The following COX7A2 variants were observed in gnomAD, a reference collection of about 807,000 sequenced individuals.
COX7A2 encodes cytochrome c oxidase subunit 7A2, mitochondrial.
COX7A2 carries 11 observed loss-of-function variants against 11.6 expected under a neutral mutation model. The observed-to-expected ratio is 0.95, with a 90% CI of 0.60 to 1.57. The LOEUF (loss-of-function observed/expected upper bound fraction) is 1.57, where lower values mean the gene tolerates loss of function less well. Ranked by LOEUF, COX7A2 falls within the 40% of genes most tolerant of loss-of-function variation. The probability of loss-of-function intolerance (pLI) is 0.00; values close to 1 mark genes in which losing one functional copy is unlikely to be tolerated. For synonymous variants in COX7A2, 30 were observed against 38.2 expected (o/e 0.78, Z 0.79); for missense variants, 106 against 100.9 (o/e 1.05, Z -0.22).
rs73747450 is a variant in COX7A2 at position 75,240,782 on chromosome 6, G to A, written c.108+394C>T. 1,070 of 191,482 alleles carry A rather than the reference G, an allele frequency of 5.6e-3. 12 individuals carry two copies. The highest frequency in any genetic ancestry group is 0.024 in the African/African-American group (1,009 of 42,774). 11.9% of individuals were successfully genotyped at this position (191,482 alleles called of 1,614,324 possible). ...TTTTTTCCCTTAAAAAAGTGGGGAA[G>A]GGATTTTGGTTTATAACCCTAAATT... On this transcript the variant is annotated intron_variant, in intron 2 of 3. Coordinates refer to ENST00000684430, the MANE Select transcript of COX7A2 (RefSeq NM_001366293.2).
chr6:75,245,474 G>A (rs1771661783), upstream of COX7A2, among the ~76,000 whole-genome samples: 1 of 132,488 alleles, frequency 7.5e-6, no homozygotes, highest in Non-Finnish European at 1.6e-5. Flanking sequence ...CTGGGCGACA[G>A]AGTGAGACTT....
At position 75,237,921 on chromosome 6, in the gene COX7A2, T is replaced by C; in HGVS notation, c.*9A>G. The C allele has an allele frequency of 6.2e-7, 1 of 1,606,102 alleles. No individual in the cohort carries two copies. The highest frequency in any genetic ancestry group is 8.5e-7 in the Non-Finnish European group (1 of 1,174,228). On this transcript the variant is annotated 3_prime_UTR_variant, in exon 4 of 4. Coordinates refer to ENST00000684430, the MANE Select transcript of COX7A2 (RefSeq NM_001366293.2). The stretch of plus-strand genomic sequence containing the variant: ...AAACTGAACCAAGCGATTGCTGGGA[T>C]GACTGAAGTCACTCCTGCTTCTTGG...
rs749796017 is a variant in COX7A2 at position 75,237,908 on chromosome 6, GC to G, written c.*21del. ...AGAGAGCTGAATGAAACTGAACCAA[GC>G]GATTGCTGGGATGACTGAAGTCACT... On this transcript the variant is annotated 3_prime_UTR_variant, in exon 4 of 4. Coordinates refer to ENST00000684430, the MANE Select transcript of COX7A2 (RefSeq NM_001366293.2). The G allele has an allele frequency of 5.6e-6, 9 of 1,600,822 alleles. No homozygotes were observed. Among genetic ancestry groups the G allele is most frequent in the Admixed American group, 1.7e-5 (1 of 59,792 alleles).
At chr6:75,237,697 A>G (rs1771355920), downstream of COX7A2, 1 of 393,508 alleles carries the variant, frequency 2.5e-6, no homozygotes, top group South Asian at 6.9e-5. Context: ...GTTTAGTGGC[A>G]AAAGAATCAT....
At position 75,248,856 on chromosome 6, in the gene COX7A2, A is replaced by G. The variant is rs762728170; in HGVS notation, c.-44+1200T>C. On this transcript the variant is annotated intron_variant, in intron 1 of 4. Transcript: ENST00000370081. ...TATAATCTAATTAGGAATATCATACATAACAGTAAATTTGATGCAGACATA... is the reference window on the plus strand; with the variant it reads ...TATAATCTAATTAGGAATATCATACGTAACAGTAAATTTGATGCAGACATA... 2.6e-5 allele frequency among the ~76,000 whole-genome samples: 4 copies of G among 152,358 alleles called. No individual in the cohort carries two copies. In the East Asian group the frequency reaches 7.7e-4, roughly 29 times the overall value.
chr6:75,248,777 C>G (rs936947235), upstream of COX7A2, among the ~76,000 whole-genome samples: 1 of 152,184 alleles, frequency 6.6e-6, no homozygotes, highest in African/African-American at 2.4e-5. Context: ...GAATGTAACA[C>G]TTTGTAATAC....
intron 1 of COX7A2, among the ~76,000 whole-genome samples, 176 bp downstream of exon 1, chr6:75,243,541 G>C (rs1771589032): frequency 6.6e-6 from 1 of 152,088 alleles, no homozygotes; most frequent in South Asian, 2.1e-4. Flanking sequence ...GTAACGGCCT[G>C]GGGCGAGAGG....
At chr6:75,239,288 A>G (rs1771416714) in intron 3 of COX7A2, among the ~76,000 whole-genome samples, 1 of 152,208 alleles carries the variant, frequency 6.6e-6, no homozygotes, top group African/African-American at 2.4e-5. Flanking sequence ...CCCAGTAGAT[A>G]GTGTGGAAAC....
chr6:75,244,397 A>G (rs1353474009), upstream of COX7A2, among the ~76,000 whole-genome samples: 1 of 152,194 alleles, frequency 6.6e-6, no homozygotes, highest in Non-Finnish European at 1.5e-5. Context: ...ATTGTGGAAG[A>G]GGCTCGCTCG....
upstream of COX7A2, among the ~76,000 whole-genome samples, chr6:75,245,043 T>G (rs1771650123): frequency 2.0e-5 from 3 of 152,238 alleles, no homozygotes; most frequent in South Asian, 6.2e-4. Context: ...CTCTTATGTT[T>G]TCTCCACTTA....
upstream of COX7A2, among the ~76,000 whole-genome samples, chr6:75,244,272 T>C (rs913672972): frequency 6.6e-6 from 1 of 152,224 alleles, no homozygotes; most frequent in Non-Finnish European, 1.5e-5. Context: ...ACATTACTGT[T>C]CCTTGTGTTG....
At chr6:75,239,738 C>T (rs2149509620) in intron 3 of COX7A2, among the ~76,000 whole-genome samples, 1 of 152,284 alleles carries the variant, frequency 6.6e-6, no homozygotes, top group East Asian at 1.9e-4. Flanking sequence ...CCTTCACTGC[C>T]ATCAATGGGA....
In COX7A2 at chr6:75,237,950, A is replaced by G. The variant is rs752963398; in HGVS notation, c.232T>C (p.Phe78Leu). The G allele has an allele frequency of 6.2e-7, 1 of 1,607,144 alleles. No individual in the cohort carries two copies. Among genetic ancestry groups the G allele is most frequent in the South Asian group, 1.1e-5 (1 of 90,326 alleles). ...YAIYELAVAS[F>L]PKKQE is the part of the protein sequence containing the mutation. ...TGAAGTCACTCCTGCTTCTTGGGAAATGAAGCCACAGCCAGCTCATATATG... is the reference window on the plus strand; with the variant it reads ...TGAAGTCACTCCTGCTTCTTGGGAAGTGAAGCCACAGCCAGCTCATATATG... The change falls in exon 4 of 4, where the codon TTT becomes CTT. Residue 78 changes from phenylalanine to leucine, a missense_variant. Phe to Leu is a conservative substitution (Grantham distance 22). Transcript: ENST00000684430.
chr6:75,243,627 C>T, intron 1 of COX7A2, 90 bp downstream of exon 1: 1 of 1,277,328 alleles, frequency 7.8e-7, no homozygotes. Flanking sequence ...CTTCGGCACC[C>T]CTCCCAGGTG....
chr6:75,238,143 AAATAT>A (rs572720785), intron 3 of COX7A2, among the ~76,000 whole-genome samples, 155 bp from the exon 4 acceptor site: 155 of 152,268 alleles, frequency 1.0e-3, no homozygotes, highest in Non-Finnish European at 1.6e-3. Flanking sequence ...AATTTTAAAT[AAATAT>A]ATGTAAAATA....
rs937107983 is a variant in COX7A2 at position 75,243,791 on chromosome 6, A to G, written c.-57T>C. 2.5e-6 allele frequency: 4 copies of G among 1,613,988 alleles called. No individual in the cohort carries two copies. Among genetic ancestry groups the G allele is most frequent in the Non-Finnish European group, 3.4e-6 (4 of 1,179,988 alleles). ...CTGAACACCACCAACGAAAATGGCC[A>G]CGCCGGAACCGGAACTACCTCCGAG... On this transcript the variant is annotated 5_prime_UTR_variant, in exon 1 of 4. Coordinates refer to ENST00000684430, the MANE Select transcript of COX7A2 (RefSeq NM_001366293.2).
At chr6:75,243,898 A>C (rs557899630), upstream of COX7A2, 5 of 1,440,176 alleles carry the variant, frequency 3.5e-6, no homozygotes, top group South Asian at 5.9e-5. Flanking sequence ...CAAAAGAAAA[A>C]CTAGAGCGGC....
upstream of COX7A2, among the ~76,000 whole-genome samples, chr6:75,245,841 G>T (rs964918734): frequency 3.3e-5 from 5 of 151,970 alleles, no homozygotes; most frequent in African/African-American, 1.2e-4. Context: ...TAGTTAATCC[G>T]TCCCTCACCA....
At chr6:75,245,869 A>ATTTTTTTTTTTTTTTTTTTTTTTTTTT (rs1771670032), upstream of COX7A2, among the ~76,000 whole-genome samples, 1 of 152,142 alleles carries the variant, frequency 6.6e-6, no homozygotes, top group African/African-American at 2.4e-5. Flanking sequence ...TTACTTTTTA[A>ATTTTTTTTTTTTTTTTTTTTTTTTTTT]TTTGGAGGTA....
Sources: allele counts gnomAD v4.1 joint callset (sites outside exome capture counted in the v4.1 genomes callset), GRCh38; gene constraint gnomAD v4.1.1; transcripts MANE v1.5; gene names NCBI Gene and HGNC (gene_info 2026-07-23, HGNC 2026-07-21).